The following YME1L1 variants were observed in gnomAD, a reference collection of about 807,000 sequenced individuals.
YME1L1 encodes YME1 like 1 ATPase.
A neutral mutation model predicts 90.4 loss-of-function variants in YME1L1; 39 were observed. The ratio of observed to expected loss-of-function variants is 0.43; its 90% CI spans 0.33 to 0.56. YME1L1 has a LOEUF of 0.56. Ranked by LOEUF, YME1L1 falls within the 20% of genes least tolerant of loss-of-function variation. The pLI is 0.03. For missense variants in YME1L1, 617 were observed against 868.4 expected (o/e 0.71, Z 3.64); for synonymous variants, 284 against 287.3 (o/e 0.99, Z 0.12).
At chr10:27,119,881 C>T (rs2056849238) in intron 13 of YME1L1, among the ~76,000 whole-genome samples, 1 of 151,806 alleles carries the variant, frequency 6.6e-6, no homozygotes, top group Admixed American at 6.6e-5. Flanking sequence ...TATTCTGAGC[C>T]ATAGTTTAGT....
chr10:27,130,788 G>A (rs764893096), intron 8 of YME1L1, among the ~76,000 whole-genome samples: 11 of 152,348 alleles, frequency 7.2e-5, no homozygotes, highest in Admixed American at 3.3e-4. Context: ...GGGAGGTGGA[G>A]GTTGCACTGA....
intron 18 of YME1L1, among the ~76,000 whole-genome samples, chr10:27,114,068 C>T (rs540336340): frequency 1.1e-4 from 17 of 152,046 alleles, no homozygotes; most frequent in African/African-American, 4.1e-4. Flanking sequence ...ATTTTATATA[C>T]ATATAAAATT....
chr10:27,154,114 C>A, intron 1 of YME1L1, 64 bp downstream of exon 1: 2 of 1,548,562 alleles, frequency 1.3e-6, no homozygotes, highest in Non-Finnish European at 1.8e-6. Context: ...CTTCCACGAG[C>A]GCAATTTGCA....
chr10:27,131,803 T>C, intron 8 of YME1L1, 56 bp downstream of exon 8: 2 of 1,319,418 alleles, frequency 1.5e-6, no homozygotes, highest in South Asian at 1.3e-5. Flanking sequence ...ATCGACCTCA[T>C]ATAGAGTATC....
At chr10:27,127,509 G>A (rs1485785901) in intron 8 of YME1L1, among the ~76,000 whole-genome samples, 3 of 152,116 alleles carry the variant, frequency 2.0e-5, no homozygotes, top group African/African-American at 7.2e-5. Context: ...TAATTGCACC[G>A]TGTTGTAGTA....
rs765631350 is a variant in YME1L1 at position 27,145,381 on chromosome 10, T to C, written c.331+47A>G. On this transcript the variant is annotated intron_variant, in intron 3 of 18. Coordinates refer to ENST00000376016, the MANE Select transcript of YME1L1 (RefSeq NM_014263.4). ...GCTAAGAAATGGTATCTATAATTAT[T>C]AATAGTGCTAAAATATTTAATTGGA... The C allele has an allele frequency of 3.5e-4, 504 of 1,459,228 alleles. No homozygotes were observed. In the African/African-American group the frequency reaches 6.4e-3, roughly 19 times the overall value. The allele number at this position is 1,459,228 out of a possible 1,614,324, so 90.4% of individuals were successfully genotyped here.
chr10:27,111,550 T>C lies in YME1L1; in HGVS notation c.*427A>G, dbSNP rs546698059. The C allele has an allele frequency of 8.6e-6, 2 of 231,806 alleles. No homozygotes were observed. The highest frequency in any genetic ancestry group is 1.7e-5 in the Non-Finnish European group (2 of 115,784). 14.4% of individuals were successfully genotyped at this position (231,806 alleles called of 1,614,324 possible). A position where few individuals can be genotyped will look rare whatever the true frequency, so the allele number is the denominator to read the frequency against. On this transcript the variant is annotated 3_prime_UTR_variant, in exon 19 of 19. Transcript: ENST00000376016. ...AGACTGCTTTTAATCCCAACTTCTC[T>C]ACATTTAGATTAAAAAATATTTTAT...
chr10:27,135,645 G>A (rs1173100656), intron 5 of YME1L1, among the ~76,000 whole-genome samples: 1 of 152,178 alleles, frequency 6.6e-6, no homozygotes, highest in Non-Finnish European at 1.5e-5. Context: ...AATGCCAAGA[G>A]AGGAGCAGGG....
At chr10:27,144,472 T>C (rs1012660617) in intron 3 of YME1L1, among the ~76,000 whole-genome samples, 1 of 152,238 alleles carries the variant, frequency 6.6e-6, no homozygotes, top group Admixed American at 6.5e-5. Context: ...ATTTTGTTCC[T>C]GGATTTTTAT....
chr10:27,113,260 A>AAAAAAAAAAAAAAT (rs1564453902), intron 18 of YME1L1, among the ~76,000 whole-genome samples: 1 of 111,616 alleles, frequency 9.0e-6, no homozygotes, highest in African/African-American at 3.3e-5. Flanking sequence ...AAAAAAAAAA[A>AAAAAAAAAAAAAAT]AAAGACCTGC....
chr10:27,141,601 GACAC>G (rs60043957), intron 4 of YME1L1, among the ~76,000 whole-genome samples: 17,411 of 141,320 alleles, frequency 0.12, 1,073 homozygotes, highest in Middle Eastern at 0.14. Flanking sequence ...GATGTCCCTC[GACAC>G]ACACACACAC....
chr10:27,152,989 A>G (rs1255504371), intron 1 of YME1L1, among the ~76,000 whole-genome samples: 1 of 152,212 alleles, frequency 6.6e-6, no homozygotes, highest in Non-Finnish European at 1.5e-5. Context: ...TACTCCCTGT[A>G]TGATCTGCCT....
intron 17 of YME1L1, among the ~76,000 whole-genome samples, chr10:27,114,941 C>T (rs1434534695): frequency 6.6e-6 from 1 of 152,180 alleles, no homozygotes; most frequent in Non-Finnish European, 1.5e-5. Flanking sequence ...GCAGGAGAAT[C>T]GCTTGAACCC....
intron 9 of YME1L1, 53 bp downstream of exon 9, chr10:27,126,643 T>C: frequency 9.9e-7 from 1 of 1,012,970 alleles, no homozygotes; most frequent in South Asian, 1.7e-5. Context: ...TTTTTGTTTG[T>C]TTCTTTGTTT....
At chr10:27,135,796 T>TGGCA (rs61188114) in intron 5 of YME1L1, among the ~76,000 whole-genome samples, 11,468 of 152,110 alleles carry the variant, frequency 0.075, 628 homozygotes, top group African/African-American at 0.16. Flanking sequence ...GATTGATGGG[T>TGGCA]GGCAGTCTGG....
chr10:27,119,130 A>G (rs1432039740), intron 14 of YME1L1, among the ~76,000 whole-genome samples, 164 bp downstream of exon 14: 5 of 152,236 alleles, frequency 3.3e-5, no homozygotes, highest in Non-Finnish European at 7.3e-5. Context: ...GAATTTTGTA[A>G]AATCATTTAT....
intron 4 of YME1L1, among the ~76,000 whole-genome samples, chr10:27,142,061 CAT>C (rs34801950): frequency 0.24 from 36,713 of 150,956 alleles, 5,026 homozygotes; most frequent in East Asian, 0.56. Flanking sequence ...CTTTTTTTCT[CAT>C]ATATATATAT....
intron 5 of YME1L1, 56 bp from the exon 6 acceptor site, chr10:27,135,037 C>A (rs2057013899): frequency 6.6e-7 from 1 of 1,513,038 alleles, no homozygotes; most frequent in Non-Finnish European, 8.9e-7. Context: ...TACTTCCCAA[C>A]AATATTGTGA....
intron 17 of YME1L1, 33 bp from the exon 18 acceptor site, chr10:27,114,640 A>G (rs1317891694): frequency 6.5e-7 from 1 of 1,542,070 alleles, no homozygotes; most frequent in African/African-American, 1.4e-5. Flanking sequence ...AATTGAACAG[A>G]AAACCCCCAA....
Sources: gnomAD v4.1 joint callset for allele counts (sites outside exome capture counted in the v4.1 genomes callset) on GRCh38, gnomAD v4.1.1 for gene constraint, MANE v1.5 for transcripts, NCBI Gene and HGNC (gene_info 2026-07-23, HGNC 2026-07-21) for gene names.